TANC2: variants seen among roughly 807,000 people sequenced by gnomAD.
TANC2 encodes protein TANC2.
TANC2 carries 26 observed loss-of-function variants against 210.5 expected under a neutral mutation model. That is an observed-to-expected ratio of 0.12 (90% CI 0.09 to 0.17). TANC2 has a LOEUF of 0.17. TANC2 is among the 10% of genes least tolerant of loss of function. TANC2 has a pLI of 1.00. For missense variants in TANC2, 2,129 were observed against 2,608.9 expected, an observed-to-expected ratio of 0.82 and a Z score of 4.01; for synonymous variants, 931 against 967.1, an observed-to-expected ratio of 0.96 and a Z score of 0.69.
rs1241600132 is a variant in TANC2 at position 62,991,652 on chromosome 17, A to C, written c.-23-17885A>C. Among the ~76,000 whole-genome samples the C allele has an allele frequency of 1.4e-4, 21 of 151,990 alleles. No individual in the cohort carries two copies. The East Asian group carries it at 3.7e-3, about 27-fold the overall frequency. Reference sequence around the variant, plus strand: ...GAGACTCCGTCTCAAAAAAAAAAAAAACAAAAAAACAAACAAAAAAAGCTA... The same window carrying C: ...GAGACTCCGTCTCAAAAAAAAAAAACACAAAAAAACAAACAAAAAAAGCTA... On this transcript the variant is annotated intron_variant, in intron 1 of 27. Coordinates refer to ENST00000689528, the Ensembl canonical transcript of TANC2.
At chr17:63,085,361 A>G (rs74363445) in intron 3 of TANC2, among the ~76,000 whole-genome samples, 3,225 of 151,670 alleles carry the variant, frequency 0.021, 107 homozygotes, top group African/African-American at 0.072. Flanking sequence ...ACTTGTTACT[A>G]TTTTCTGTTT....
At chr17:63,015,465 C>T (rs2034065313) in intron 2 of TANC2, among the ~76,000 whole-genome samples, 1 of 152,070 alleles carries the variant, frequency 6.6e-6, no homozygotes, top group African/African-American at 2.4e-5. Context: ...TATCCCTCCC[C>T]CCGCTTCCCA....
At chr17:63,159,464 C>T (rs140212987) in intron 5 of TANC2, among the ~76,000 whole-genome samples, 1 of 152,230 alleles carries the variant, frequency 6.6e-6, no homozygotes, top group East Asian at 1.9e-4. Flanking sequence ...CCCCACTAAT[C>T]AGAAAGCCAT....
rs548080076 is a variant in TANC2 at position 63,200,634 on chromosome 17, G to A, written c.583-137G>A. On this transcript the variant is annotated intron_variant, in intron 6 of 27. Transcript: ENST00000689528. ...GACCCCAAAGTCCTTATCCGAGAAA[G>A]CAAAAACAAATAGAGCCTAATAGAT... 1.9e-4 allele frequency: 139 copies of A among 720,858 alleles called. No homozygotes were observed. In the African/African-American group the frequency reaches 2.4e-3, roughly 13 times the overall value. 44.7% of individuals were successfully genotyped at this position (720,858 alleles called of 1,614,324 possible). A position where few individuals can be genotyped will look rare whatever the true frequency, so the allele number is the denominator to read the frequency against.
intron 2 of TANC2, among the ~76,000 whole-genome samples, chr17:63,018,934 A>G (rs886831381): frequency 2.0e-5 from 3 of 152,194 alleles, no homozygotes; most frequent in African/African-American, 7.2e-5. Flanking sequence ...ACCACTGTTT[A>G]ACCATTCACC....
chr17:63,315,000 G>T (rs1393005290), intron 10 of TANC2, among the ~76,000 whole-genome samples: 3 of 152,100 alleles, frequency 2.0e-5, no homozygotes, highest in African/African-American at 4.8e-5. Context: ...GTTGGATTTT[G>T]CTCAGTCTGT....
chr17:63,144,507 C>T (rs2145342390), intron 4 of TANC2, among the ~76,000 whole-genome samples: 1 of 152,224 alleles, frequency 6.6e-6, no homozygotes, highest in South Asian at 2.1e-4. Context: ...AATATACATT[C>T]ACATTTAAAT....
At chr17:63,268,935 A>G (rs1336772250) in intron 9 of TANC2, among the ~76,000 whole-genome samples, 2 of 152,074 alleles carry the variant, frequency 1.3e-5, no homozygotes, top group African/African-American at 2.4e-5. Context: ...TATGTTAGCA[A>G]TCTCTATCTC....
In TANC2 at chr17:63,413,376, G is replaced by A. The variant is rs571400798; in HGVS notation, c.3929-167G>A. On this transcript the variant is annotated intron_variant, in intron 24 of 27. Coordinates refer to ENST00000689528, the Ensembl canonical transcript of TANC2. ...GAATACAAATCCAATGCAGCTTCTTGGCAGTGGGAGTTACTAAAATACTCC... is the reference window on the plus strand; with the variant it reads ...GAATACAAATCCAATGCAGCTTCTTAGCAGTGGGAGTTACTAAAATACTCC... The A allele has an allele frequency of 3.6e-5, 19 of 529,364 alleles. No individual in the cohort carries two copies. The African/African-American group carries it at 3.7e-4, about 10-fold the overall frequency. 32.8% of individuals were successfully genotyped at this position (529,364 alleles called of 1,614,324 possible). A position where few individuals can be genotyped will look rare whatever the true frequency, so the allele number is the denominator to read the frequency against.
rs199869842 is a variant in TANC2 at position 63,420,690 on chromosome 17, G to A, written c.4960G>A (p.Val1654Ile). 24 of 1,613,782 alleles carry A rather than the reference G, an allele frequency of 1.5e-5. No individual in the cohort carries two copies. The highest frequency in any genetic ancestry group is 4.0e-5 in the African/African-American group (3 of 75,020). The change falls in exon 28 of 28, where the codon GTC (valine) becomes ATC (isoleucine). Residue 1654 changes from valine (V) to isoleucine (I), a missense_variant. Val to Ile is a conservative substitution (Grantham distance 29). Transcript: ENST00000689528. This position sits in a 1 kb window ranked among gnomAD's most constrained non-coding sequence, Gnocchi z 4.2. The stretch of plus-strand genomic sequence containing the variant: ...CGTGCGCTATCAGCAGGAAACAAGC[G>A]TCAGTCAGCTTCCTGGCAGACCCAA...
At chr17:63,119,025 G>A (rs191194585) in intron 4 of TANC2, among the ~76,000 whole-genome samples, 10 of 151,932 alleles carry the variant, frequency 6.6e-5, no homozygotes, top group South Asian at 4.2e-4. Context: ...CCCGTGATCC[G>A]CCCACCCCAG....
chr17:63,205,932 A>AACCC (rs780586464), intron 7 of TANC2, among the ~76,000 whole-genome samples: 70 of 152,110 alleles, frequency 4.6e-4, no homozygotes, highest in Non-Finnish European at 8.5e-4. Flanking sequence ...GCAAAAAGAC[A>AACCC]ACCCACAGAT....
At chr17:63,389,894 G>A (rs1438107237) in intron 17 of TANC2, 1 of 304,320 alleles carries the variant, frequency 3.3e-6, no homozygotes, top group Non-Finnish European at 6.3e-6. Context: ...GCAGTGGCAG[G>A]TCTGGACCAA....
intron 4 of TANC2, among the ~76,000 whole-genome samples, chr17:63,137,775 A>G (rs1474651681): frequency 6.6e-6 from 1 of 152,194 alleles, no homozygotes; most frequent in Non-Finnish European, 1.5e-5. Flanking sequence ...ATATTTGATG[A>G]AAAAAGTCTG....
At position 63,237,848 on chromosome 17, in the gene TANC2, C is replaced by T. The variant is rs147422041; in HGVS notation, c.804C>T (p.Arg268=). 0.014 allele frequency: 21,765 copies of T among 1,550,228 alleles called. 185 individuals carry two copies. The highest frequency in any genetic ancestry group is 0.016 in the Non-Finnish European group (18,439 of 1,146,710). The change falls in exon 8 of 28, where the codon CGC becomes CGT. Residue 268 remains arginine (R), a synonymous_variant. Coordinates refer to ENST00000689528, the Ensembl canonical transcript of TANC2. ...CAAGCTATTCTGAAAATGTGGAACG[C>T]ACAAAATATGCTGGGGAAAGCAGTA...
At chr17:63,332,573 G>A (rs2045893525) in intron 11 of TANC2, 1 of 309,880 alleles carries the variant, frequency 3.2e-6, no homozygotes, top group Non-Finnish European at 6.3e-6. Context: ...AGGCCCCGCT[G>A]CCTCTACTTC....
intron 5 of TANC2, chr17:63,152,985 A>G (rs1238318622): frequency 6.6e-6 from 1 of 152,174 alleles, no homozygotes; most frequent in Non-Finnish European, 1.5e-5. Flanking sequence ...CACAATATCA[A>G]AGTGCTGCTA....
chr17:62,997,278 C>T (rs1472254492), intron 1 of TANC2, among the ~76,000 whole-genome samples: 1 of 152,042 alleles, frequency 6.6e-6, no homozygotes, highest in Non-Finnish European at 1.5e-5. Context: ...GCTGGGACTA[C>T]AGCTGTGCAC....
At chr17:63,284,576 G>A (rs963866867) in intron 9 of TANC2, among the ~76,000 whole-genome samples, 2 of 151,628 alleles carry the variant, frequency 1.3e-5, no homozygotes, top group Admixed American at 6.6e-5. Context: ...TTCTGCTATC[G>A]ATTCCAAGTG....
Sources: gnomAD v4.1 joint callset for allele counts (sites outside exome capture counted in the v4.1 genomes callset) on GRCh38, gnomAD v4.1.1 for gene constraint, Gnocchi (gnomAD v3.1) non-coding constraint, MANE v1.5 for transcripts, NCBI Gene and HGNC (gene_info 2026-07-23, HGNC 2026-07-21) for gene names.